The following HNF4A variants were observed in gnomAD, a reference collection of about 807,000 sequenced individuals.
The protein encoded by HNF4A is hepatocyte nuclear factor 4-alpha.
HNF4A carries 15 observed loss-of-function variants against 52.4 expected under a neutral mutation model. The ratio of observed to expected loss-of-function variants is 0.29; its 90% CI spans 0.19 to 0.44. The LOEUF (loss-of-function observed/expected upper bound fraction) is 0.44, where lower values mean the gene tolerates loss of function less well. HNF4A is among the 20% of genes least tolerant of loss of function. HNF4A has a pLI of 1.00. For synonymous variants in HNF4A, 280 were observed against 264.4 expected (o/e 1.06, Z -0.57); for missense variants, 479 against 647.2 (o/e 0.74, Z 2.82).
chr20:44,401,255 C>T lies in HNF4A; in HGVS notation c.-118C>T, dbSNP rs2063403421. The stretch of plus-strand genomic sequence containing the variant: ...ACTCCCAGCAGATCTTCCCAGAGGA[C>T]GGTTTGAAAGGAAGGCAGAGAGGGC... On this transcript the variant is annotated 5_prime_UTR_variant, in exon 1 of 10. Coordinates refer to ENST00000316099, the MANE Select transcript of HNF4A (RefSeq NM_000457.6). The T allele has an allele frequency of 5.8e-6, 9 of 1,561,194 alleles. No homozygotes were observed. The highest frequency in any genetic ancestry group is 1.8e-5 in the Admixed American group (1 of 54,490).
intron 1 of HNF4A, among the ~76,000 whole-genome samples, chr20:44,386,181 T>TG (rs2063221305): frequency 6.7e-6 from 1 of 149,588 alleles, no homozygotes; most frequent in Non-Finnish European, 1.5e-5. Context: ...TTTTTTTTTT[T>TG]TTTGAGACAG....
At position 44,366,113 on chromosome 20, in the gene HNF4A, G is replaced by A. The variant is rs1185291702; in HGVS notation, c.49+10260G>A. On this transcript the variant is annotated intron_variant, in intron 1 of 9. Coordinates refer to the HNF4A transcript ENST00000316673. Reference sequence around the variant, plus strand: ...AAAAGGCACAAATCATCAATGTATCGCTTTATGAAATTTCACATTTTAACA... The same window carrying A: ...AAAAGGCACAAATCATCAATGTATCACTTTATGAAATTTCACATTTTAACA... Among the ~76,000 whole-genome samples, 3 of 151,918 alleles carry A rather than the reference G, an allele frequency of 2.0e-5. No individual in the cohort carries two copies. In the South Asian group the frequency reaches 6.2e-4, roughly 32 times the overall value.
At chr20:44,403,893 C>A (rs1600701362) in intron 1 of HNF4A, among the ~76,000 whole-genome samples, 1 of 152,212 alleles carries the variant, frequency 6.6e-6, no homozygotes, top group African/African-American at 2.4e-5. Context: ...GTGGGAGCTA[C>A]TTCCCCAGCC....
intron 1 of HNF4A, chr20:44,390,310 T>G (rs2063286183): frequency 6.2e-6 from 2 of 322,832 alleles, no homozygotes; most frequent in Non-Finnish European, 1.1e-5. Flanking sequence ...GAGTTATGGT[T>G]TTTTCCAAGC....
In HNF4A at chr20:44,363,108, G is replaced by A. The variant is rs374235598; in HGVS notation, c.49+7255G>A. ...TGACCTCAAGTGATCTGCCCGCCTCGGCCTCCCAAAGTGCTGGGATTACAG... is the reference window on the plus strand; with the variant it reads ...TGACCTCAAGTGATCTGCCCGCCTCAGCCTCCCAAAGTGCTGGGATTACAG... On this transcript the variant is annotated intron_variant, in intron 1 of 9. Transcript: ENST00000316673. 8.6e-5 allele frequency among the ~76,000 whole-genome samples: 13 copies of A among 151,928 alleles called. No homozygotes were observed. In the South Asian group the frequency reaches 1.9e-3, roughly 22 times the overall value.
chr20:44,403,753 G>A (rs2063443083), intron 1 of HNF4A, among the ~76,000 whole-genome samples: 1 of 152,200 alleles, frequency 6.6e-6, no homozygotes, highest in Non-Finnish European at 1.5e-5. Flanking sequence ...ACGGGAAGCA[G>A]TGCGATGACA....
Position 44,355,767 on chromosome 20 carries a change from C to T in HNF4A, c.-38C>T, listed in dbSNP as rs532111355. On this transcript the variant is annotated 5_prime_UTR_variant, in exon 1 of 10. Coordinates refer to the HNF4A transcript ENST00000316673. ...TGCTGCTGTGAGCGGGCCCCTGCTCCTCCATGCCCCCAGCTCTCCGGCTGG... is the reference window on the plus strand; with the variant it reads ...TGCTGCTGTGAGCGGGCCCCTGCTCTTCCATGCCCCCAGCTCTCCGGCTGG... The T allele has an allele frequency of 7.6e-5, 122 of 1,607,840 alleles. No homozygotes were observed. In the South Asian group the frequency reaches 1.2e-3, roughly 16 times the overall value.
intron 1 of HNF4A, among the ~76,000 whole-genome samples, chr20:44,366,575 C>T (rs923629941): frequency 3.9e-5 from 6 of 152,050 alleles, no homozygotes; most frequent in Admixed American, 3.9e-4. Context: ...GAGCCAAGAT[C>T]ACGCCACTGT....
Position 44,401,718 on chromosome 20 carries a change from G to A in HNF4A, c.115+231G>A, listed in dbSNP as rs139705180. On this transcript the variant is annotated intron_variant, in intron 1 of 9. Transcript: ENST00000316099. ...CAAGGGCCAATTTCCAGCAAAAGTCGATCCCGGCTATTCCTCCCAGGCCCT... is the reference window on the plus strand; with the variant it reads ...CAAGGGCCAATTTCCAGCAAAAGTCAATCCCGGCTATTCCTCCCAGGCCCT... Among the ~76,000 whole-genome samples the A allele has an allele frequency of 1.4e-4, 22 of 152,354 alleles. No homozygotes were observed. The East Asian group carries it at 4.0e-3, about 28-fold the overall frequency.
intron 1 of HNF4A, among the ~76,000 whole-genome samples, chr20:44,381,618 G>A (rs2063155004): frequency 2.0e-5 from 3 of 151,350 alleles, no homozygotes; most frequent in Admixed American, 2.0e-4. Context: ...GTACTTTGTT[G>A]CCTTTTTTTT....
intron 3 of HNF4A, among the ~76,000 whole-genome samples, chr20:44,408,787 C>T (rs1454261108): frequency 6.6e-6 from 1 of 152,114 alleles, no homozygotes; most frequent in Non-Finnish European, 1.5e-5. Flanking sequence ...CCTCTAAACT[C>T]AACCTTTCCC....
chr20:44,430,935 G>C lies in HNF4A; in HGVS notation c.*1270G>C, dbSNP rs2063870548. ...TCCCAGGCACTGTCTTAAGGCATCT[G>C]ACATGCATCATCTCATTTAATCCTC... is the stretch of plus-strand genomic sequence containing the variant. On this transcript the variant is annotated 3_prime_UTR_variant, in exon 10 of 10. Coordinates refer to ENST00000316099, the MANE Select transcript of HNF4A (RefSeq NM_000457.6). 6.6e-6 allele frequency: 1 copy of C among 151,978 alleles called. No homozygotes were observed. The highest frequency in any genetic ancestry group is 1.5e-5 in the Non-Finnish European group (1 of 68,004). 9.4% of individuals were successfully genotyped at this position (151,978 alleles called of 1,614,324 possible).
At chr20:44,374,788 C>T (rs1210520518) in intron 1 of HNF4A, among the ~76,000 whole-genome samples, 1 of 152,158 alleles carries the variant, frequency 6.6e-6, no homozygotes, top group Non-Finnish European at 1.5e-5. Context: ...GTGAATAGTG[C>T]TGTGTAGAAC....
At chr20:44,420,000 G>A (rs2063721996) in intron 7 of HNF4A, 124 bp downstream of exon 7, 1 of 1,031,128 alleles carries the variant, frequency 9.7e-7, no homozygotes, top group Admixed American at 1.7e-5. Context: ...GCCAGGAGAG[G>A]CCGTTTTCAT....
upstream of HNF4A, among the ~76,000 whole-genome samples, chr20:44,397,693 C>T (rs1326153460): frequency 6.6e-6 from 1 of 151,930 alleles, no homozygotes; most frequent in Admixed American, 6.6e-5. Context: ...AATCTCGGCT[C>T]ACTGCAGCTT....
Position 44,389,374 on chromosome 20 carries a change from A to T in HNF4A, c.50-16684A>T, listed in dbSNP as rs555785322. Among the ~76,000 whole-genome samples, 31 of 152,252 alleles carry T rather than the reference A, an allele frequency of 2.0e-4. 1 individual carries two copies. Among genetic ancestry groups the T allele is most frequent in the Non-Finnish European group, 1.5e-5 (1 of 68,032 alleles). On this transcript the variant is annotated intron_variant, in intron 1 of 9. Coordinates refer to the HNF4A transcript ENST00000316673. ...GACACAACACAGGACACCCAGTTTC[A>T]TATGAGTGTCAGATGAACACCACAG...
Position 44,382,800 on chromosome 20 carries a change from CTAAA to C in HNF4A, c.50-23248_50-23245del, listed in dbSNP as rs567867625. On this transcript the variant is annotated intron_variant, in intron 1 of 9. Coordinates refer to the HNF4A transcript ENST00000316673. ...GCTAAGGTAGCTTTTCCCATCTACA[CTAAA>C]TAAATAAATCATCCAGGTGATTTAT... Among the ~76,000 whole-genome samples the C allele has an allele frequency of 2.0e-4, 31 of 152,258 alleles. No homozygotes were observed. The South Asian group carries it at 6.2e-3, about 31-fold the overall frequency.
intron 1 of HNF4A, among the ~76,000 whole-genome samples, chr20:44,362,732 T>G (rs900930841): frequency 9.9e-5 from 15 of 152,148 alleles, no homozygotes; most frequent in African/African-American, 3.1e-4. Context: ...TAAAATCTAG[T>G]CTGACACCAA....
chr20:44,377,997 A>G (rs1345709323), intron 1 of HNF4A: 1 of 152,230 alleles, frequency 6.6e-6, no homozygotes, highest in African/African-American at 2.4e-5. Flanking sequence ...TTGAATGCCA[A>G]CTTCCACTTC....
Sources: gnomAD v4.1 joint callset for allele counts (sites outside exome capture counted in the v4.1 genomes callset) on GRCh38, gnomAD v4.1.1 for gene constraint, MANE v1.5 for transcripts, NCBI Gene and HGNC (gene_info 2026-07-23, HGNC 2026-07-21) for gene names.